The following VNN2 variants were observed in gnomAD, a reference collection of about 807,000 sequenced individuals.
VNN2 encodes the protein vanin 2, also known as pantetheine hydrolase VNN2.
Under a neutral mutation model 43.0 loss-of-function variants are expected in VNN2, and 43 were observed. The ratio of observed to expected loss-of-function variants is 1.00; its 90% CI spans 0.78 to 1.29. The LOEUF (loss-of-function observed/expected upper bound fraction) is 1.29, where lower values mean the gene tolerates loss of function less well. Ranked by LOEUF, VNN2 falls within the 50% of genes most tolerant of loss-of-function variation. VNN2 has a pLI of 0.00. For synonymous variants in VNN2, 230 were observed against 224.3 expected (o/e 1.03, Z -0.23); for missense variants, 652 against 619.7 (o/e 1.05, Z -0.55).
At chr6:132,749,674 C>A in intron 6 of VNN2, 21 bp downstream of exon 6, 1 of 1,594,840 alleles carries the variant, frequency 6.3e-7, no homozygotes, top group Non-Finnish European at 8.6e-7. Context: ...AATGAAAATA[C>A]TCTTATAAAA....
chr6:132,759,870 T>C (rs561497600), upstream of VNN2, among the ~76,000 whole-genome samples: 25 of 152,320 alleles, frequency 1.6e-4, no homozygotes, highest in South Asian at 5.0e-3. Context: ...TTTAGCAGAT[T>C]GTATAATAGA....
intron 1 of VNN2, chr6:132,763,341 G>A (rs912318504): frequency 1.3e-5 from 2 of 152,160 alleles, no homozygotes; most frequent in Non-Finnish European, 2.9e-5. Flanking sequence ...GAGCAAGGAA[G>A]CAAAGAAAAA....
At chr6:132,748,350 A>T (rs1265933498) in intron 6 of VNN2, among the ~76,000 whole-genome samples, 1 of 152,212 alleles carries the variant, frequency 6.6e-6, no homozygotes, top group Non-Finnish European at 1.5e-5. Flanking sequence ...TATGGCAGCA[A>T]AGCATTCCTG....
At chr6:132,758,000 T>TTTCTTCTTCTTCTTCATCTTCTTC (rs1780594896), upstream of VNN2, 1 of 336,124 alleles carries the variant, frequency 3.0e-6, no homozygotes, top group African/African-American at 3.6e-5. Context: ...TATCATCATT[T>TTTCTTCTTCTTCTTCATCTTCTTC]TTCTTCTTCT....
Position 132,751,746 on chromosome 6 carries a change from G to A in VNN2, c.827-228C>T, listed in dbSNP as rs114494184. ...TTTCAATTAAACCTTAAATATAATA[G>A]CATTATTTATTAGCATTATGGAAAA... On this transcript the variant is annotated intron_variant, in intron 4 of 6. Coordinates refer to ENST00000326499, the MANE Select transcript of VNN2 (RefSeq NM_004665.6). Among the ~76,000 whole-genome samples, 374 of 152,198 alleles carry A rather than the reference G, an allele frequency of 2.5e-3. 7 individuals carry two copies. The highest frequency in any genetic ancestry group is 8.6e-3 in the African/African-American group (359 of 41,514).
At position 132,749,856 on chromosome 6, in the gene VNN2, G is replaced by T. The variant is rs4895944; in HGVS notation, c.1210C>A (p.Leu404Met). The part of the protein sequence containing the change: ...RRREYWQVCT[L>M]LKCKTTNLTT... ...AAATTAGTAGTTTTGCACTTCAGCAGTGTGCAGACCTATGTGGAACAAACG... is the reference window on the plus strand; with the variant it reads ...AAATTAGTAGTTTTGCACTTCAGCATTGTGCAGACCTATGTGGAACAAACG... Residue 404 changes from leucine to methionine, a missense_variant, in exon 6 of 7, where the codon CTG becomes ATG. Coordinates refer to ENST00000326499, the MANE Select transcript of VNN2 (RefSeq NM_004665.6). 1 allele frequency: 1,613,547 copies of T among 1,614,066 alleles called. 806,514 individuals carry two copies. The highest frequency in any genetic ancestry group is 1 in the Middle Eastern group (6,062 of 6,062).
upstream of VNN2, among the ~76,000 whole-genome samples, chr6:132,762,387 G>A (rs1287482989): frequency 6.6e-6 from 1 of 152,162 alleles, no homozygotes; most frequent in Admixed American, 6.5e-5. Context: ...ATAAGAATAA[G>A]AAGCAACAAT....
Position 132,756,016 on chromosome 6 carries a change from G to T in VNN2, c.364C>A (p.Gln122Lys). Residue 122 changes from glutamine to lysine, a missense_variant, in exon 3 of 7, where the codon CAA becomes AAA. Transcript: ENST00000326499. ...TTGGCCAGGCAGCTGAGTCTTGCTTGTACTGGTGTGTGACCAAATCTAAAC... is the reference window on the plus strand; with the variant it reads ...TTGGCCAGGCAGCTGAGTCTTGCTTTTACTGGTGTGTGACCAAATCTAAAC... ...DPHRFGHTPVQARLSCLAKDN... is the reference protein window; with the variant it reads ...DPHRFGHTPVKARLSCLAKDN... 1 of 1,607,902 alleles carries T rather than the reference G, an allele frequency of 6.2e-7. No individual in the cohort carries two copies. The highest frequency in any genetic ancestry group is 8.5e-7 in the Non-Finnish European group (1 of 1,177,876).
In VNN2 at chr6:132,749,726, G is replaced by C. The variant is rs1404355851; in HGVS notation, c.1340C>G (p.Thr447Ser). The part of the protein sequence containing the change: ...TEYVFPEVLL[T>S]EIHLSPGKFE... ...TTTTCCAGGTGACAGATGAATTTCGGTAAGTAGCACTTCAGGAAAAACATA... is the reference window on the plus strand; with the variant it reads ...TTTTCCAGGTGACAGATGAATTTCGCTAAGTAGCACTTCAGGAAAAACATA... The change falls in exon 6 of 7, where the codon ACC (threonine) becomes AGC (serine). Residue 447 changes from threonine to serine, a missense_variant. Physicochemically the swap from Thr to Ser is moderately conservative, Grantham distance 58 (BLOSUM62 1). Transcript: ENST00000326499. 3 of 1,612,916 alleles carry C rather than the reference G, an allele frequency of 1.9e-6. No individual in the cohort carries two copies. The Admixed American group carries it at 5.0e-5, about 27-fold the overall frequency.
At chr6:132,744,574 A>C (rs1779611540) in intron 6 of VNN2, 83 bp from the exon 7 acceptor site, 1 of 1,320,480 alleles carries the variant, frequency 7.6e-7, no homozygotes, top group African/African-American at 1.5e-5. Flanking sequence ...ACCATCCTAG[A>C]TATAATGTAT....
upstream of VNN2, chr6:132,757,968 G>A: frequency 1.0e-6 from 1 of 983,962 alleles, no homozygotes; most frequent in Non-Finnish European, 1.4e-6. Context: ...ACATGTGGCT[G>A]CCAGTTACTG....
At chr6:132,760,267 C>A (rs1298759242), upstream of VNN2, among the ~76,000 whole-genome samples, 2 of 152,108 alleles carry the variant, frequency 1.3e-5, no homozygotes, top group Admixed American at 1.3e-4. Context: ...CTCCACCTCC[C>A]AGGCTCAAGT....
chr6:132,757,136 A>T (rs991616102), intron 2 of VNN2, among the ~76,000 whole-genome samples: 1 of 152,210 alleles, frequency 6.6e-6, no homozygotes, highest in African/African-American at 2.4e-5. Flanking sequence ...CTACTTCAGA[A>T]ATTAAGTTAC....
At chr6:132,753,875 C>T (rs1780288337) in intron 3 of VNN2, 1 of 148,402 alleles carries the variant, frequency 6.7e-6, no homozygotes, top group South Asian at 2.0e-4. Flanking sequence ...ATGGGTTGAA[C>T]CTGGGAGTCA....
chr6:132,757,459 G>C lies in VNN2; in HGVS notation c.301C>G (p.Pro101Ala). Residue 101 changes from proline to alanine, a missense_variant, in exon 2 of 7, where the codon CCA (proline) becomes GCA (alanine). Coordinates refer to ENST00000326499, the MANE Select transcript of VNN2 (RefSeq NM_004665.6). ...ETVFPYLEDI[P>A]DPQVNWIPCQ... ...GGAATCCAGTTCACCTGAGGGTCTGGGATATCCTCCAGATAAGGGAAAACA... is the reference window on the plus strand; with the variant it reads ...GGAATCCAGTTCACCTGAGGGTCTGCGATATCCTCCAGATAAGGGAAAACA... 1 of 1,613,876 alleles carries C rather than the reference G, an allele frequency of 6.2e-7. No individual in the cohort carries two copies. Among genetic ancestry groups the C allele is most frequent in the Non-Finnish European group, 8.5e-7 (1 of 1,179,912 alleles).
chr6:132,745,490 A>G (rs1274329356), intron 6 of VNN2, among the ~76,000 whole-genome samples: 2 of 152,248 alleles, frequency 1.3e-5, no homozygotes, highest in African/African-American at 4.8e-5. Context: ...TGCTGGGATT[A>G]CAGGCGTGAG....
intron 5 of VNN2, among the ~76,000 whole-genome samples, chr6:132,750,515 T>TATATATATATA (rs1359427541): frequency 1.0e-5 from 1 of 97,374 alleles, no homozygotes; most frequent in African/African-American, 4.2e-5. Flanking sequence ...ATATATATAT[T>TATATATATATA]TTTCCAGGTG....
upstream of VNN2, among the ~76,000 whole-genome samples, chr6:132,761,367 A>G (rs1035925186): frequency 4.6e-5 from 7 of 151,122 alleles, no homozygotes; most frequent in Admixed American, 4.6e-4. Flanking sequence ...AAAAAAAAAA[A>G]AACAGTATTG....
At chr6:132,749,060 A>G (rs2114536033) in intron 6 of VNN2, among the ~76,000 whole-genome samples, 1 of 152,312 alleles carries the variant, frequency 6.6e-6, no homozygotes, top group East Asian at 1.9e-4. Flanking sequence ...TATGTTCTTT[A>G]TTATGTTCTT....
Sources: allele counts gnomAD v4.1 joint callset (sites outside exome capture counted in the v4.1 genomes callset), GRCh38; gene constraint gnomAD v4.1.1; transcripts MANE v1.5; gene names NCBI Gene and HGNC (gene_info 2026-07-23, HGNC 2026-07-21).